The following RIMS2 variants were observed in gnomAD, a reference collection of about 807,000 sequenced individuals.
The protein encoded by RIMS2 is regulating synaptic membrane exocytosis protein 2.
In RIMS2, 59 loss-of-function variants were observed where a neutral mutation model predicts 174.4. That is an observed-to-expected ratio of 0.34 (90% CI 0.27 to 0.42). The LOEUF is 0.42. Among genes scored for constraint, RIMS2 ranks in the 10% least tolerant of loss-of-function variants. The probability of loss-of-function intolerance (pLI) is 1.00; values close to 1 mark genes in which losing one functional copy is unlikely to be tolerated. For missense variants in RIMS2, 1,620 were observed against 1,666.3 expected, an observed-to-expected ratio of 0.97 and a Z score of 0.48; for synonymous variants, 606 against 572.5, an observed-to-expected ratio of 1.06 and a Z score of -0.84.
chr8:103,918,505 T>C lies in RIMS2; in HGVS notation c.2083+18T>C. On this transcript the variant is annotated intron_variant, in intron 9 of 23. Coordinates refer to ENST00000504942, the Ensembl canonical transcript of RIMS2. The stretch of plus-strand genomic sequence containing the variant: ...GGAGTCCAGTAAGTTTTATTTATGC[T>C]GGAAGAAAACGTTATTTATAATTGC... The C allele has an allele frequency of 6.4e-7, 1 of 1,570,548 alleles. No homozygotes were observed. Among genetic ancestry groups the C allele is most frequent in the Non-Finnish European group, 8.8e-7 (1 of 1,141,028 alleles).
chr8:104,107,976 C>T (rs58451815), intron 19 of RIMS2, among the ~76,000 whole-genome samples: 2,630 of 151,208 alleles, frequency 0.017, 147 homozygotes, highest in East Asian at 0.15. Context: ...TGCCCCCCCC[C>T]CACAATGGAA....
At chr8:103,630,976 T>A (rs2095903951) in intron 1 of RIMS2, among the ~76,000 whole-genome samples, 1 of 152,204 alleles carries the variant, frequency 6.6e-6, no homozygotes, top group Non-Finnish European at 1.5e-5. Flanking sequence ...TGCCTGTTTT[T>A]CTCTTGTAAA....
intron 11 of RIMS2, among the ~76,000 whole-genome samples, chr8:103,928,285 A>C (rs1362923821): frequency 6.6e-6 from 1 of 151,494 alleles, no homozygotes; most frequent in African/African-American, 2.4e-5. Flanking sequence ...TAACATCTAT[A>C]TTCTCTTGCA....
intron 1 of RIMS2, among the ~76,000 whole-genome samples, chr8:103,611,128 T>C (rs937242057): frequency 7.2e-5 from 11 of 152,190 alleles, no homozygotes; most frequent in Non-Finnish European, 2.9e-5. Flanking sequence ...TTTGTAGTAG[T>C]AGTCCCTGAG....
chr8:103,664,659 C>T (rs2096645886), intron 1 of RIMS2, among the ~76,000 whole-genome samples: 1 of 152,182 alleles, frequency 6.6e-6, no homozygotes, highest in Non-Finnish European at 1.5e-5. Flanking sequence ...GAAATAGGAA[C>T]ACTTTTACAC....
chr8:103,767,223 C>G (rs1358264620), intron 3 of RIMS2, among the ~76,000 whole-genome samples: 1 of 147,556 alleles, frequency 6.8e-6, no homozygotes, highest in East Asian at 2.0e-4. Flanking sequence ...GAGTCTCGCT[C>G]TGTCATCAGG....
intron 1 of RIMS2, among the ~76,000 whole-genome samples, chr8:103,548,171 T>G (rs1380257099): frequency 1.3e-5 from 2 of 152,124 alleles, no homozygotes; most frequent in Non-Finnish European, 2.9e-5. Flanking sequence ...ATGAGGCCAG[T>G]GTCATCCTGA....
At chr8:103,980,469 C>T (rs910531896) in intron 16 of RIMS2, among the ~76,000 whole-genome samples, 1 of 152,162 alleles carries the variant, frequency 6.6e-6, no homozygotes, top group African/African-American at 2.4e-5. Flanking sequence ...CTGAGATGTG[C>T]AGGCTTCACA....
chr8:103,805,482 T>C (rs1343469793), intron 3 of RIMS2, among the ~76,000 whole-genome samples: 1 of 152,142 alleles, frequency 6.6e-6, no homozygotes, highest in East Asian at 1.9e-4. Flanking sequence ...ACCTGAGAGT[T>C]GCTAACATCT....
chr8:103,798,830 A>T (rs1459225152), intron 3 of RIMS2, among the ~76,000 whole-genome samples: 1 of 152,018 alleles, frequency 6.6e-6, no homozygotes, highest in East Asian at 1.9e-4. Flanking sequence ...GACATGATTA[A>T]GGTTATGGAC....
intron 1 of RIMS2, among the ~76,000 whole-genome samples, chr8:103,573,936 T>C (rs1365284164): frequency 6.6e-6 from 1 of 152,208 alleles, no homozygotes; most frequent in Admixed American, 6.5e-5. Context: ...TTTGGTTTGA[T>C]GTATTCTTAG....
intron 2 of RIMS2, among the ~76,000 whole-genome samples, chr8:103,718,659 C>CT (rs35949446): frequency 0.15 from 22,096 of 148,530 alleles, 1,650 homozygotes; most frequent in Non-Finnish European, 0.17. Context: ...GCTCAACAAC[C>CT]TTTTTTTTTT....
chr8:103,588,815 A>T (rs2094108005), intron 1 of RIMS2, among the ~76,000 whole-genome samples: 1 of 151,908 alleles, frequency 6.6e-6, no homozygotes, highest in Non-Finnish European at 1.5e-5. Context: ...ACCACAAGAA[A>T]ACATTGGGGA....
At chr8:103,575,671 TAC>T (rs750157720) in intron 1 of RIMS2, among the ~76,000 whole-genome samples, 441 of 117,206 alleles carry the variant, frequency 3.8e-3, no homozygotes, top group African/African-American at 0.011. Context: ...AACACACACA[TAC>T]ACACACACAC....
At chr8:104,118,375 T>TG (rs1261855199) in intron 19 of RIMS2, among the ~76,000 whole-genome samples, 4 of 149,964 alleles carry the variant, frequency 2.7e-5, no homozygotes, top group Admixed American at 2.7e-4. Flanking sequence ...TTTTTGTTTT[T>TG]TTTTTTTTTG....
intron 14 of RIMS2, 125 bp downstream of exon 16, chr8:103,943,051 T>C: frequency 5.8e-6 from 4 of 689,238 alleles, no homozygotes; most frequent in Non-Finnish European, 9.4e-6. Context: ...TTTCCATAGC[T>C]ATGAATTGTT....
At chr8:103,584,271 A>G (rs1231171368) in intron 1 of RIMS2, among the ~76,000 whole-genome samples, 1 of 152,174 alleles carries the variant, frequency 6.6e-6, no homozygotes, top group East Asian at 1.9e-4. Context: ...AAGAGAATTA[A>G]AGACTCCCAG....
intron 1 of RIMS2, among the ~76,000 whole-genome samples, chr8:103,523,588 A>G (rs1209526101): frequency 6.6e-6 from 1 of 152,168 alleles, no homozygotes; most frequent in African/African-American, 2.4e-5. Context: ...CTGACAATGT[A>G]AAGCAGGCAG....
chr8:104,086,556 T>C (rs534232145), intron 19 of RIMS2, among the ~76,000 whole-genome samples: 1 of 152,226 alleles, frequency 6.6e-6, no homozygotes, highest in East Asian at 1.9e-4. Flanking sequence ...CATAATTGAC[T>C]ACTGGCAATA....
Sources: allele counts gnomAD v4.1 joint callset (sites outside exome capture counted in the v4.1 genomes callset), GRCh38; gene constraint gnomAD v4.1.1; transcripts MANE v1.5; gene names NCBI Gene and HGNC (gene_info 2026-07-23, HGNC 2026-07-21).